PECR: variants seen among roughly 807,000 people sequenced by gnomAD.
The protein encoded by PECR is 2,4-dienoyl-CoA reductase-related protein.
A neutral mutation model predicts 35.3 loss-of-function variants in PECR; 30 were observed. That is an observed-to-expected ratio of 0.85 (90% CI 0.64 to 1.15). PECR has a LOEUF of 1.15. Ranked by LOEUF, PECR falls within the 50% of genes most tolerant of loss-of-function variation. The pLI is 0.00. For missense variants in PECR, 392 were observed against 370.8 expected, an observed-to-expected ratio of 1.06 and a Z score of -0.47; for synonymous variants, 148 against 138.9, an observed-to-expected ratio of 1.07 and a Z score of -0.46.
chr2:216,055,419 A>G (rs1695204984), intron 4 of PECR, among the ~76,000 whole-genome samples: 1 of 147,080 alleles, frequency 6.8e-6, no homozygotes, highest in African/African-American at 2.5e-5. Context: ...CCTGGGCAAC[A>G]AGAACAAAAT....
chr2:216,071,794 A>G (rs977905286), intron 1 of PECR, among the ~76,000 whole-genome samples: 2 of 152,028 alleles, frequency 1.3e-5, no homozygotes, highest in African/African-American at 4.8e-5. Context: ...ATTTCTATTT[A>G]TCCCTACTTA....
chr2:216,081,582 C>T, intron 1 of PECR, 36 bp downstream of exon 1: 1 of 1,613,452 alleles, frequency 6.2e-7, no homozygotes. Context: ...CAGGTCACCA[C>T]AGCCACCTCT....
intron 6 of PECR, 132 bp downstream of exon 6, chr2:216,049,131 A>G: frequency 1.4e-6 from 1 of 739,600 alleles, no homozygotes; most frequent in East Asian, 2.5e-5. Context: ...TGACAGCCAG[A>G]AAGAACAGGG....
intron 7 of PECR, among the ~76,000 whole-genome samples, chr2:216,042,574 T>C (rs1694905838): frequency 6.6e-6 from 1 of 152,196 alleles, no homozygotes; most frequent in South Asian, 2.1e-4. Context: ...GATTTAGAGT[T>C]ATTAGCTTAG....
At chr2:216,069,216 C>T (rs1695536704) in intron 1 of PECR, among the ~76,000 whole-genome samples, 1 of 152,196 alleles carries the variant, frequency 6.6e-6, no homozygotes, top group African/African-American at 2.4e-5. Flanking sequence ...TCATAAATAA[C>T]AGATGCACAT....
chr2:216,072,480 C>G (rs985938976), intron 1 of PECR, among the ~76,000 whole-genome samples: 1 of 152,154 alleles, frequency 6.6e-6, no homozygotes, highest in East Asian at 1.9e-4. Context: ...ATAGTGGCCA[C>G]TGTACCCAAC....
intron 5 of PECR, 58 bp from the exon 6 acceptor site, chr2:216,049,431 T>A: frequency 1.3e-6 from 1 of 773,026 alleles, no homozygotes; most frequent in Non-Finnish European, 2.2e-6. Context: ...ATTTTAATTA[T>A]AAAGATATCA....
chr2:216,030,948 TCTCTCTCTCA>T lies in PECR; in HGVS notation c.*440+8233_*440+8242del, dbSNP rs1348296385. Reference sequence around the variant, plus strand: ...CCCATTCTCTCTCTCTCTCTCTCTCTCTCTCTCTCACACACACACACACACACACACACAC... The same window carrying T: ...CCCATTCTCTCTCTCTCTCTCTCTCTCACACACACACACACACACACACAC... On this transcript the variant is annotated intron_variant and NMD_transcript_variant, in intron 7 of 7. Transcript: ENST00000442122. 8.8e-3 allele frequency among the ~76,000 whole-genome samples: 852 copies of T among 97,340 alleles called. 9 individuals are homozygous for T. Among genetic ancestry groups the T allele is most frequent in the African/African-American group, 0.025 (609 of 24,236 alleles). The allele number at this position is 97,340 out of a possible 152,430, so 63.9% of individuals were successfully genotyped here.
At chr2:216,059,024 G>A (rs983809299) in intron 3 of PECR, 48 bp from the exon 4 acceptor site, 2 of 1,103,056 alleles carry the variant, frequency 1.8e-6, no homozygotes, top group Non-Finnish European at 2.8e-6. Flanking sequence ...AAGTATCCTG[G>A]CCCTCCTGAT....
At position 216,051,512 on chromosome 2, in the gene PECR, G is replaced by T. The variant is rs769623278; in HGVS notation, c.540C>A (p.Asn180Lys). ...HSGAARAGVY[N>K]LTKSLALEWA... ...ATTCCAAAGCTAAAGATTTGGTGAG[G>T]TTGTAAACACCTGCTCTTGCAGCTC... Residue 180 changes from asparagine (N) to lysine (K), a missense_variant, in exon 5 of 8, where the codon AAC becomes AAA. Coordinates refer to ENST00000265322, the MANE Select transcript of PECR (RefSeq NM_018441.6). The T allele has an allele frequency of 1.9e-6, 3 of 1,612,354 alleles. No individual in the cohort carries two copies. In the East Asian group the frequency reaches 6.7e-5, roughly 36 times the overall value.
chr2:216,068,241 A>C lies in PECR; in HGVS notation c.125-1723T>G, dbSNP rs1288126373. On this transcript the variant is annotated intron_variant, in intron 1 of 7. Transcript: ENST00000265322. ...ACTCCATATCAAAAAAAAAAAAAAA[A>C]AAAAAAACCGGAACCAGAAATGACA... Among the ~76,000 whole-genome samples, 4 of 151,606 alleles carry C rather than the reference A, an allele frequency of 2.6e-5. No homozygotes were observed. In the South Asian group the frequency reaches 8.3e-4, roughly 32 times the overall value.
chr2:216,078,167 G>A (rs80106157), intron 1 of PECR, among the ~76,000 whole-genome samples: 1,848 of 151,960 alleles, frequency 0.012, 31 homozygotes, highest in African/African-American at 0.042. Context: ...GGCTAGGCGC[G>A]GGGCCTCCAT....
intron 1 of PECR, among the ~76,000 whole-genome samples, chr2:216,070,284 T>C (rs1445547914): frequency 6.6e-6 from 1 of 152,236 alleles, no homozygotes; most frequent in African/African-American, 2.4e-5. Context: ...TATCACCTCT[T>C]ATCATTTCTT....
intron 7 of PECR, among the ~76,000 whole-genome samples, chr2:216,043,510 C>A (rs933452490): frequency 6.6e-6 from 1 of 151,996 alleles, no homozygotes; most frequent in Non-Finnish European, 1.5e-5. Context: ...ACCATAGCAC[C>A]CCACCCCACC....
At chr2:216,029,553 T>A (rs1168960921) in intron 7 of PECR, among the ~76,000 whole-genome samples, 1 of 152,142 alleles carries the variant, frequency 6.6e-6, no homozygotes, top group African/African-American at 2.4e-5. Context: ...CTTATGCACC[T>A]CCCCCTGCCT....
At chr2:216,069,785 A>G (rs1695550372) in intron 1 of PECR, among the ~76,000 whole-genome samples, 1 of 151,894 alleles carries the variant, frequency 6.6e-6, no homozygotes, top group East Asian at 1.9e-4. Flanking sequence ...AAAATACAAA[A>G]ATTAGCCAGG....
intron 1 of PECR, among the ~76,000 whole-genome samples, chr2:216,076,787 A>G (rs919020517): frequency 3.3e-5 from 5 of 152,080 alleles, no homozygotes; most frequent in African/African-American, 1.2e-4. Context: ...GCAACAAAGC[A>G]AGATTCCATC....
chr2:216,064,634 T>C (rs1204539776), intron 3 of PECR, among the ~76,000 whole-genome samples: 1 of 152,244 alleles, frequency 6.6e-6, no homozygotes, highest in African/African-American at 2.4e-5. Context: ...GTTTTTCCAC[T>C]GGAACAACCC....
intron 1 of PECR, among the ~76,000 whole-genome samples, 198 bp from the exon 2 acceptor site, chr2:216,066,716 C>T (rs1186861180): frequency 2.0e-5 from 3 of 152,128 alleles, no homozygotes; most frequent in Non-Finnish European, 4.4e-5. Context: ...GTCAAGGTCT[C>T]ACCCTGTTGC....
Sources: gnomAD v4.1 joint callset for allele counts (sites outside exome capture counted in the v4.1 genomes callset) on GRCh38, gnomAD v4.1.1 for gene constraint, MANE v1.5 for transcripts, NCBI Gene and HGNC (gene_info 2026-07-23, HGNC 2026-07-21) for gene names.